MYO3A: variants seen among roughly 807,000 people sequenced by gnomAD.
MYO3A encodes the protein myosin IIIA, also known as myosin-IIIa.
MYO3A carries 180 observed loss-of-function variants against 192.7 expected under a neutral mutation model. That is an observed-to-expected ratio of 0.93 (90% CI 0.83 to 1.06). The LOEUF is 1.06. Ranked by LOEUF, MYO3A falls within the 50% of genes least tolerant of loss-of-function variation. The pLI is 0.00. For synonymous variants in MYO3A, 628 were observed against 645.3 expected (o/e 0.97, Z 0.41); for missense variants, 1,896 against 1,905.0 (o/e 1.00, Z 0.09).
chr10:26,085,306 C>T (rs114432982), intron 14 of MYO3A, among the ~76,000 whole-genome samples: 1 of 151,352 alleles, frequency 6.6e-6, no homozygotes, highest in African/African-American at 2.4e-5. Context: ...TTGGCTTTAG[C>T]TTTTTCTTTA....
chr10:26,149,189 T>C, intron 23 of MYO3A, among the ~76,000 whole-genome samples: 1 of 151,898 alleles, frequency 6.6e-6, no homozygotes, highest in Non-Finnish European at 1.5e-5. Context: ...CCTAATTTCC[T>C]GAATGGTTTT....
chr10:26,083,199 G>A (rs1382674567), intron 14 of MYO3A, among the ~76,000 whole-genome samples: 1 of 152,168 alleles, frequency 6.6e-6, no homozygotes, highest in Non-Finnish European at 1.5e-5. Flanking sequence ...TGCAAGAACT[G>A]TGATACTGTG....
chr10:26,038,028 G>T (rs760021395), intron 10 of MYO3A, among the ~76,000 whole-genome samples: 3 of 152,124 alleles, frequency 2.0e-5, no homozygotes, highest in African/African-American at 2.4e-5. Flanking sequence ...TGGACTTATC[G>T]CTGGGTTCTC....
intron 6 of MYO3A, among the ~76,000 whole-genome samples, chr10:25,999,083 A>C (rs1402803217): frequency 6.6e-6 from 1 of 152,094 alleles, no homozygotes; most frequent in African/African-American, 2.4e-5. Flanking sequence ...ATTTTTTAAT[A>C]GAGACGGGGT....
At chr10:25,942,409 T>G (rs1836556757) in intron 2 of MYO3A, among the ~76,000 whole-genome samples, 1 of 152,232 alleles carries the variant, frequency 6.6e-6, no homozygotes, top group Non-Finnish European at 1.5e-5. Flanking sequence ...TTAATGTGGG[T>G]GTACAAATAT....
chr10:26,195,931 T>G (rs1843386122), intron 32 of MYO3A, among the ~76,000 whole-genome samples: 1 of 152,182 alleles, frequency 6.6e-6, no homozygotes, highest in African/African-American at 2.4e-5. Flanking sequence ...ACCTGACACA[T>G]AGCAGGCATG....
intron 14 of MYO3A, among the ~76,000 whole-genome samples, chr10:26,083,823 C>T (rs895093963): frequency 6.6e-6 from 1 of 152,120 alleles, no homozygotes; most frequent in Non-Finnish European, 1.5e-5. Context: ...TACCACTTTG[C>T]TTAATATTGC....
In MYO3A at chr10:26,026,419, A is replaced by G; in HGVS notation, c.840A>G (p.Glu280=). The G allele has an allele frequency of 6.2e-7, 1 of 1,614,170 alleles. No individual in the cohort carries two copies. The highest frequency in any genetic ancestry group is 1.1e-5 in the South Asian group (1 of 91,086). The change falls in exon 10 of 35, where the codon GAA becomes GAG. Residue 280 remains glutamate (E), a synonymous_variant. Coordinates refer to ENST00000642920, the MANE Select transcript of MYO3A (RefSeq NM_017433.5). The part of the protein sequence containing the change: ...KDYEKRPTVS[E]LLQHKFITQI... ...ATGAAAAGCGTCCAACAGTGTCAGA[A>G]CTTTTACAGCATAAATTCATTACTC...
intron 34 of MYO3A, among the ~76,000 whole-genome samples, chr10:26,210,701 T>C (rs916992377): frequency 7.2e-5 from 11 of 152,140 alleles, no homozygotes; most frequent in Admixed American, 2.0e-4. Context: ...AACACTAAAT[T>C]ATCCGAACAC....
At chr10:26,095,820 G>T (rs1011539629) in intron 15 of MYO3A, among the ~76,000 whole-genome samples, 14 of 152,202 alleles carry the variant, frequency 9.2e-5, no homozygotes, top group South Asian at 2.1e-4. Context: ...GTCTCAGAAA[G>T]ACAATATTAA....
rs541751515 is a variant in MYO3A, at chr10:26,015,844, T to C, written c.509-976T>C. Among the ~76,000 whole-genome samples the C allele has an allele frequency of 6.6e-5, 10 of 152,324 alleles. No individual in the cohort carries two copies. The East Asian group carries it at 1.9e-3, about 29-fold the overall frequency. On this transcript the variant is annotated intron_variant, in intron 6 of 34. Coordinates refer to ENST00000642920, the MANE Select transcript of MYO3A (RefSeq NM_017433.5). ...GTTGAATTTCATGGTAAAAGTCAAA[T>C]GCCATCTTGGAGAAATAAAATATAT...
chr10:26,186,432 A>G (rs1053749121), intron 31 of MYO3A, among the ~76,000 whole-genome samples: 1 of 151,812 alleles, frequency 6.6e-6, no homozygotes, highest in Non-Finnish European at 1.5e-5. Context: ...ACACCCGGCT[A>G]ATTTTTTGTA....
At chr10:26,018,707 C>A (rs7896526) in intron 7 of MYO3A, among the ~76,000 whole-genome samples, 14 of 151,912 alleles carry the variant, frequency 9.2e-5, no homozygotes, top group Non-Finnish European at 1.8e-4. Flanking sequence ...CCCTGGAGAG[C>A]GAAAGGGGGT....
chr10:26,046,709 C>T (rs1487481582), intron 10 of MYO3A, among the ~76,000 whole-genome samples: 1 of 152,136 alleles, frequency 6.6e-6, no homozygotes, highest in African/African-American at 2.4e-5. Context: ...CCTGATTTAG[C>T]CTGAAAAATT....
At chr10:26,009,631 C>G (rs896920959) in intron 6 of MYO3A, among the ~76,000 whole-genome samples, 3 of 152,166 alleles carry the variant, frequency 2.0e-5, no homozygotes, top group Non-Finnish European at 2.9e-5. Flanking sequence ...GCCTTAACCT[C>G]CCTTGTCTGA....
chr10:26,077,742 C>G (rs976860835), intron 14 of MYO3A, among the ~76,000 whole-genome samples: 3 of 152,024 alleles, frequency 2.0e-5, no homozygotes, highest in African/African-American at 7.2e-5. Context: ...TTTCCTGCAT[C>G]TATTGAGATG....
chr10:26,131,485 T>C (rs1404746287), intron 20 of MYO3A, among the ~76,000 whole-genome samples: 6 of 152,184 alleles, frequency 3.9e-5, no homozygotes, highest in Admixed American at 3.9e-4. Flanking sequence ...ATCTCTATTA[T>C]CCACTCACTG....
At chr10:26,019,653 C>T (rs1842198873) in intron 7 of MYO3A, among the ~76,000 whole-genome samples, 1 of 152,170 alleles carries the variant, frequency 6.6e-6, no homozygotes, top group Non-Finnish European at 1.5e-5. Context: ...CAATATATGG[C>T]CCTGTGTCTG....
intron 4 of MYO3A, among the ~76,000 whole-genome samples, chr10:25,960,176 C>T (rs1263748512): frequency 1.3e-5 from 2 of 151,778 alleles, no homozygotes; most frequent in Non-Finnish European, 1.5e-5. Flanking sequence ...TTGTTTATTC[C>T]TTTACTAGTG....
Sources: allele counts gnomAD v4.1 joint callset (sites outside exome capture counted in the v4.1 genomes callset), GRCh38; gene constraint gnomAD v4.1.1; transcripts MANE v1.5; gene names NCBI Gene and HGNC (gene_info 2026-07-23, HGNC 2026-07-21).